Variants in PALM observed in about 807,000 individuals in gnomAD.
PALM encodes paralemmin.
A neutral mutation model predicts 30.7 loss-of-function variants in PALM; 18 were observed. That is an observed-to-expected ratio of 0.59 (90% CI 0.41 to 0.87). The LOEUF (loss-of-function observed/expected upper bound fraction) is 0.87, where lower values mean the gene tolerates loss of function less well. Ranked by LOEUF, PALM falls within the 40% of genes least tolerant of loss-of-function variation. PALM has a pLI of 0.00. For missense variants in PALM, 529 were observed against 555.4 expected, an observed-to-expected ratio of 0.95 and a Z score of 0.48; for synonymous variants, 286 against 242.8, an observed-to-expected ratio of 1.18 and a Z score of -1.66.
chr19:717,510 C>G (rs1236060268), intron 1 of PALM, among the ~76,000 whole-genome samples: 1 of 152,120 alleles, frequency 6.6e-6, no homozygotes, highest in Non-Finnish European at 1.5e-5. Context: ...GAGTCATGTC[C>G]CAGTGCGTGG....
chr19:738,555 C>T (rs1411190378), intron 7 of PALM, among the ~76,000 whole-genome samples: 2 of 151,416 alleles, frequency 1.3e-5, no homozygotes, highest in Non-Finnish European at 2.9e-5. Flanking sequence ...GACTGAGCTG[C>T]CCCCAACGGG....
intron 6 of PALM, chr19:735,213 G>C (rs2032989497): frequency 7.7e-6 from 1 of 130,268 alleles, no homozygotes; most frequent in Non-Finnish European, 1.6e-5. Flanking sequence ...CTGTGTCCTG[G>C]TGTCTGGGTG....
Position 742,655 on chromosome 19 carries a change from C to T in PALM, c.634+2172C>T, listed in dbSNP as rs1049689141. Reference sequence around the variant, plus strand: ...AGAATAAATGGGGTCACACACTGCACGTGGCCTTCTGTGTCTGGCGTCTCT... The same window carrying T: ...AGAATAAATGGGGTCACACACTGCATGTGGCCTTCTGTGTCTGGCGTCTCT... On this transcript the variant is annotated intron_variant, in intron 8 of 8. Coordinates refer to ENST00000338448, the MANE Select transcript of PALM (RefSeq NM_002579.3). This position sits in a 1 kb window ranked among gnomAD's most constrained non-coding sequence, Gnocchi z 5.5. Among the ~76,000 whole-genome samples the T allele has an allele frequency of 1.8e-4, 27 of 151,812 alleles. No individual in the cohort carries two copies. Among genetic ancestry groups the T allele is most frequent in the Non-Finnish European group, 2.6e-4 (18 of 67,950 alleles).
At chr19:716,242 G>T (rs1426626580) in intron 1 of PALM, among the ~76,000 whole-genome samples, 2 of 151,960 alleles carry the variant, frequency 1.3e-5, no homozygotes, top group African/African-American at 4.8e-5. Flanking sequence ...TGAAACCCCC[G>T]TCTCTACCAA....
intron 7 of PALM, 64 bp downstream of exon 7, chr19:736,142 G>A (rs918807332): frequency 1.9e-5 from 23 of 1,222,026 alleles, no homozygotes; most frequent in Middle Eastern, 1.9e-4. Context: ...GTCTCGGTCC[G>A]GGGGGCCGGG....
At chr19:732,521 C>G (rs921195192) in intron 5 of PALM, among the ~76,000 whole-genome samples, 1 of 152,120 alleles carries the variant, frequency 6.6e-6, no homozygotes, top group Admixed American at 6.6e-5. Flanking sequence ...ATGATAAAAC[C>G]CCATATCTAC....
At chr19:731,292 C>T in intron 5 of PALM, 47 bp downstream of exon 5, 2 of 1,529,192 alleles carry the variant, frequency 1.3e-6, no homozygotes, top group Non-Finnish European at 1.8e-6. Flanking sequence ...CCCACTCCCG[C>T]TGGCCCCAGA....
intron 1 of PALM, among the ~76,000 whole-genome samples, chr19:723,861 G>A (rs575231451): frequency 4.6e-5 from 7 of 152,268 alleles, no homozygotes; most frequent in East Asian, 3.9e-4. Flanking sequence ...CTCCCAGAGC[G>A]CTGGGATTAC....
At chr19:738,315 A>T (rs943851133) in intron 7 of PALM, among the ~76,000 whole-genome samples, 1 of 152,098 alleles carries the variant, frequency 6.6e-6, no homozygotes, top group African/African-American at 2.4e-5. Context: ...TCATGAGGTC[A>T]GGAGATCGAG....
At chr19:736,102 G>A in intron 7 of PALM, 24 bp downstream of exon 7, 1 of 1,553,300 alleles carries the variant, frequency 6.4e-7, no homozygotes, top group Non-Finnish European at 8.8e-7. Context: ...CAGGCTCTGG[G>A]CCCCAGATCC....
At chr19:734,217 G>T (rs769779092) in intron 6 of PALM, 23 bp downstream of exon 6, 2 of 1,612,100 alleles carry the variant, frequency 1.2e-6, no homozygotes, top group South Asian at 1.1e-5. Flanking sequence ...GAAGGAACTC[G>T]TGGGGCCTCG....
chr19:741,629 G>T (rs996503048), intron 8 of PALM, among the ~76,000 whole-genome samples: 1 of 151,984 alleles, frequency 6.6e-6, no homozygotes, highest in Non-Finnish European at 1.5e-5. Context: ...GGAGGAGAAG[G>T]GTGCTTTGCC....
chr19:740,303 G>A (rs536938541), intron 7 of PALM, 49 bp from the exon 8 acceptor site: 2 of 1,507,720 alleles, frequency 1.3e-6, no homozygotes, highest in East Asian at 2.5e-5. Flanking sequence ...CCGGCGGGGG[G>A]GTGCGGGGGC....
chr19:726,983 T>TGG, intron 2 of PALM, 25 bp from the exon 3 acceptor site: 1 of 1,198,580 alleles, frequency 8.3e-7, no homozygotes, highest in Non-Finnish European at 1.2e-6. Flanking sequence ...CGCCCATCCC[T>TGG]GACCCCACCC....
Position 746,526 on chromosome 19 carries a change from C to T in PALM, c.876C>T (p.Pro292=), listed in dbSNP as rs140567840. 410 of 1,613,034 alleles carry T rather than the reference C, an allele frequency of 2.5e-4. 2 individuals are homozygous for T. The East Asian group carries it at 8.3e-3, about 33-fold the overall frequency. ...EATSGPPGIQ[P]GQEPPVTMIF... is the part of the protein sequence containing the mutation. ...CGTCCGGCCCGCCGGGGATCCAGCC[C>T]GGCCAGGAGCCCCCGGTCACAATGA... The change falls in exon 9 of 9, where the codon CCC becomes CCT. Residue 292 remains proline (P), a synonymous_variant. Coordinates refer to ENST00000338448, the MANE Select transcript of PALM (RefSeq NM_002579.3). This position sits in a 1 kb window ranked among gnomAD's most constrained non-coding sequence, Gnocchi z 7.1.
intron 1 of PALM, among the ~76,000 whole-genome samples, chr19:712,079 G>C (rs11085181): frequency 0.25 from 37,468 of 151,580 alleles, 5,095 homozygotes; most frequent in Non-Finnish European, 0.31. Context: ...CTGGAGTGCA[G>C]TGCTGCGATC....
intron 7 of PALM, among the ~76,000 whole-genome samples, chr19:738,792 C>G (rs2033100748): frequency 6.6e-6 from 1 of 152,134 alleles, no homozygotes; most frequent in Admixed American, 6.6e-5. Context: ...AGGAGGGAAA[C>G]GAGGTGGCTA....
intron 1 of PALM, among the ~76,000 whole-genome samples, chr19:710,451 G>A (rs2032035751): frequency 6.6e-6 from 1 of 152,200 alleles, no homozygotes. Context: ...CTGCTCGCCA[G>A]GCCCCGGAGG....
chr19:743,886 C>T (rs2033260375), intron 8 of PALM, among the ~76,000 whole-genome samples: 1 of 152,164 alleles, frequency 6.6e-6, no homozygotes, highest in Non-Finnish European at 1.5e-5. Context: ...GTATAAAATG[C>T]TACCCAGTGG....
Sources: allele counts gnomAD v4.1 joint callset (sites outside exome capture counted in the v4.1 genomes callset), GRCh38; gene constraint gnomAD v4.1.1; non-coding constraint Gnocchi (gnomAD v3.1); transcripts MANE v1.5; gene names NCBI Gene and HGNC (gene_info 2026-07-23, HGNC 2026-07-21).